Variants in SPATS2 observed in about 807,000 individuals in gnomAD.
SPATS2 encodes the protein spermatogenesis-associated serine-rich protein 2.
SPATS2 carries 38 observed loss-of-function variants against 63.7 expected under a neutral mutation model. The ratio of observed to expected loss-of-function variants is 0.60; its 90% CI spans 0.46 to 0.78. The LOEUF (loss-of-function observed/expected upper bound fraction) is 0.78, where lower values mean the gene tolerates loss of function less well. SPATS2 is among the 30% of genes least tolerant of loss of function. The pLI, the probability that SPATS2 is intolerant of heterozygous loss-of-function variation, is 0.00. For synonymous variants in SPATS2, 207 were observed against 232.9 expected (o/e 0.89, Z 1.01); for missense variants, 588 against 666.2 (o/e 0.88, Z 1.29).
intron 2 of SPATS2, among the ~76,000 whole-genome samples, chr12:49,408,746 G>A (rs1212048214): frequency 6.6e-6 from 1 of 151,784 alleles, no homozygotes; most frequent in Non-Finnish European, 1.5e-5. Context: ...AGTAGAGACG[G>A]GGTATCGCCA....
At position 49,500,220 on chromosome 12, in the gene SPATS2, A is replaced by G; in HGVS notation, c.839+15A>G. ...TTGGAGAGCTGGTAATTTAAGCTGC[A>G]TTTGATATCAGTAGCATAAAAATGA... On this transcript the variant is annotated intron_variant, in intron 9 of 13. Transcript: ENST00000552918. 6.3e-7 allele frequency: 1 copy of G among 1,587,142 alleles called. No individual in the cohort carries two copies.
intron 3 of SPATS2, chr12:49,469,411 A>G (rs1390266970): frequency 1.7e-5 from 4 of 239,162 alleles, no homozygotes; most frequent in Non-Finnish European, 3.3e-5. Flanking sequence ...AAAAAAAAAA[A>G]AAGCCAGGCA....
intron 10 of SPATS2, among the ~76,000 whole-genome samples, chr12:49,518,538 A>G (rs1430203181): frequency 6.6e-6 from 1 of 152,218 alleles, no homozygotes; most frequent in African/African-American, 2.4e-5. Context: ...ATTTAAAGAT[A>G]TATTAAGTAA....
chr12:49,503,648 C>CAAAA (rs147728331), intron 9 of SPATS2, among the ~76,000 whole-genome samples: 1 of 139,260 alleles, frequency 7.2e-6, no homozygotes, highest in African/African-American at 2.6e-5. Context: ...GACTCCATCT[C>CAAAA]AAAAAAAAAA....
chr12:49,368,431 T>TG (rs1285458932), intron 1 of SPATS2, among the ~76,000 whole-genome samples: 2 of 152,210 alleles, frequency 1.3e-5, no homozygotes, highest in Non-Finnish European at 2.9e-5. Flanking sequence ...TCAGTGATAA[T>TG]GCAGATTTCA....
At chr12:49,523,311 C>T (rs1946972953) in intron 12 of SPATS2, among the ~76,000 whole-genome samples, 1 of 118,702 alleles carries the variant, frequency 8.4e-6, no homozygotes, top group Admixed American at 1.1e-4. Flanking sequence ...TCCATCTCTT[C>T]AAAAAATTCA....
intron 2 of SPATS2, among the ~76,000 whole-genome samples, chr12:49,383,501 C>T (rs1045160130): frequency 1.3e-5 from 2 of 152,114 alleles, no homozygotes; most frequent in African/African-American, 4.8e-5. Context: ...ACCTCAGCCA[C>T]ACAGGCTCAA....
At chr12:49,465,503 G>A (rs1463338452) in intron 3 of SPATS2, among the ~76,000 whole-genome samples, 2 of 151,986 alleles carry the variant, frequency 1.3e-5, no homozygotes, top group African/African-American at 4.8e-5. Flanking sequence ...TTTTTTTGGT[G>A]AAATGTCTGT....
intron 7 of SPATS2, among the ~76,000 whole-genome samples, chr12:49,496,019 G>A (rs1476542463): frequency 4.6e-5 from 7 of 152,062 alleles, no homozygotes; most frequent in Non-Finnish European, 7.4e-5. Flanking sequence ...AACATTACTT[G>A]TTAATCCAGT....
At chr12:49,476,276 T>C (rs1450130273) in intron 3 of SPATS2, among the ~76,000 whole-genome samples, 1 of 151,966 alleles carries the variant, frequency 6.6e-6, no homozygotes, top group African/African-American at 2.4e-5. Context: ...ACCGGCAGAA[T>C]GACATGGAGT....
At chr12:49,381,297 C>T (rs1292512911) in intron 2 of SPATS2, among the ~76,000 whole-genome samples, 1 of 152,110 alleles carries the variant, frequency 6.6e-6, no homozygotes, top group Non-Finnish European at 1.5e-5. Flanking sequence ...TCCATGAGTA[C>T]ATGTAGCATG....
chr12:49,372,937 GTT>G (rs1282816981), intron 2 of SPATS2, among the ~76,000 whole-genome samples: 70 of 128,132 alleles, frequency 5.5e-4, no homozygotes, highest in Non-Finnish European at 8.2e-4. Flanking sequence ...TTGATTTTCT[GTT>G]TTGTGTGTGT....
chr12:49,426,789 C>T (rs572514915), intron 2 of SPATS2, among the ~76,000 whole-genome samples: 164 of 152,200 alleles, frequency 1.1e-3, no homozygotes, highest in African/African-American at 3.6e-3. Flanking sequence ...GTGATCCTCC[C>T]GCCTCGGCCT....
At chr12:49,525,710 G>A (rs1159325772) in intron 13 of SPATS2, among the ~76,000 whole-genome samples, 1 of 152,156 alleles carries the variant, frequency 6.6e-6, no homozygotes, top group East Asian at 1.9e-4. Flanking sequence ...TCCAGCTAAA[G>A]AAAAGTAAAT....
At chr12:49,508,596 A>G (rs1007591728) in intron 9 of SPATS2, among the ~76,000 whole-genome samples, 2 of 151,924 alleles carry the variant, frequency 1.3e-5, no homozygotes, top group Admixed American at 6.6e-5. Flanking sequence ...ATTTTGTTTT[A>G]TTTTAATTTT....
intron 3 of SPATS2, among the ~76,000 whole-genome samples, chr12:49,479,728 G>A (rs1946174922): frequency 6.6e-6 from 1 of 152,152 alleles, no homozygotes; most frequent in African/African-American, 2.4e-5. Flanking sequence ...AGTATGATGT[G>A]AATAATGTTA....
At chr12:49,475,427 C>G (rs1032374143) in intron 3 of SPATS2, among the ~76,000 whole-genome samples, 2 of 151,274 alleles carry the variant, frequency 1.3e-5, no homozygotes, top group African/African-American at 4.9e-5. Context: ...TGGTAGAATT[C>G]TTGTTGTTGT....
At chr12:49,462,619 G>C (rs28450055) in intron 3 of SPATS2, 2 of 595,166 alleles carry the variant, frequency 3.4e-6, no homozygotes, top group Non-Finnish European at 6.0e-6. Flanking sequence ...GAGGTCACAC[G>C]AATGAATTGA....
intron 2 of SPATS2, among the ~76,000 whole-genome samples, chr12:49,440,823 G>A (rs1243956468): frequency 1.3e-5 from 2 of 152,112 alleles, no homozygotes; most frequent in Non-Finnish European, 2.9e-5. Context: ...AATTTGTTTG[G>A]TGTTTCCTTA....
Sources: gnomAD v4.1 joint callset for allele counts (sites outside exome capture counted in the v4.1 genomes callset) on GRCh38, gnomAD v4.1.1 for gene constraint, MANE v1.5 for transcripts, NCBI Gene and HGNC (gene_info 2026-07-23, HGNC 2026-07-21) for gene names.